Variants in ST6GAL2 observed in about 807,000 individuals in gnomAD.
ST6GAL2 encodes the protein beta-galactoside alpha-2,6-sialyltransferase 2.
Under a neutral mutation model 37.5 loss-of-function variants are expected in ST6GAL2, and 24 were observed. The observed-to-expected ratio is 0.64, with a 90% CI of 0.46 to 0.90. The LOEUF is 0.90. Ranked by LOEUF, ST6GAL2 falls within the 40% of genes least tolerant of loss-of-function variation. The pLI is 0.00. For synonymous variants in ST6GAL2, 306 were observed against 295.1 expected, an observed-to-expected ratio of 1.04 and a Z score of -0.38; for missense variants, 715 against 712.7, an observed-to-expected ratio of 1.00 and a Z score of -0.04.
chr2:106,844,541 A>T (rs989671247), intron 1 of ST6GAL2, among the ~76,000 whole-genome samples: 1 of 152,048 alleles, frequency 6.6e-6, no homozygotes, highest in Non-Finnish European at 1.5e-5. Flanking sequence ...TGACAACCCT[A>T]TCTGATTCTT....
intron 1 of ST6GAL2, among the ~76,000 whole-genome samples, chr2:106,849,057 C>CT (rs771492678): frequency 6.6e-6 from 1 of 152,166 alleles, no homozygotes; most frequent in African/African-American, 2.4e-5. Flanking sequence ...ATAATCGAAA[C>CT]TTTAACTTCT....
intron 1 of ST6GAL2, among the ~76,000 whole-genome samples, chr2:106,880,271 T>C (rs139451045): frequency 1.5e-4 from 23 of 152,312 alleles, no homozygotes; most frequent in African/African-American, 4.8e-4. Context: ...TTCCAAATAG[T>C]CACCTGCTTT....
chr2:106,828,153 T>C (rs901385570), intron 5 of ST6GAL2, among the ~76,000 whole-genome samples: 3 of 152,240 alleles, frequency 2.0e-5, no homozygotes, highest in African/African-American at 7.2e-5. Flanking sequence ...CTATCTAACT[T>C]GAATTTTTTA....
chr2:106,812,691 AT>A (rs1193318988), intron 5 of ST6GAL2, among the ~76,000 whole-genome samples: 3 of 152,178 alleles, frequency 2.0e-5, no homozygotes. Flanking sequence ...ATATGCACAA[AT>A]TCAAAGTATC....
intron 1 of ST6GAL2, among the ~76,000 whole-genome samples, chr2:106,872,322 T>C (rs1027429675): frequency 4.6e-5 from 7 of 152,216 alleles, no homozygotes; most frequent in Admixed American, 4.6e-4. Context: ...AAACCTGAGT[T>C]TGTGCTTATG....
chr2:106,853,220 T>C (rs1677443983), intron 1 of ST6GAL2, among the ~76,000 whole-genome samples: 1 of 152,372 alleles, frequency 6.6e-6, no homozygotes, highest in East Asian at 1.9e-4. Context: ...GAGTAAATGA[T>C]GTTCCCAGTT....
At chr2:106,833,064 A>G (rs1386585372) in intron 3 of ST6GAL2, among the ~76,000 whole-genome samples, 1 of 152,200 alleles carries the variant, frequency 6.6e-6, no homozygotes, top group Non-Finnish European at 1.5e-5. Flanking sequence ...GGTGCCAGCC[A>G]CAGCCTTCCC....
At chr2:106,873,733 A>G (rs1018635759) in intron 1 of ST6GAL2, among the ~76,000 whole-genome samples, 2 of 152,232 alleles carry the variant, frequency 1.3e-5, no homozygotes, top group African/African-American at 4.8e-5. Flanking sequence ...TGGCACAAAA[A>G]TTATGAGGTT....
At chr2:106,881,138 C>G (rs939094383) in intron 1 of ST6GAL2, among the ~76,000 whole-genome samples, 1 of 152,018 alleles carries the variant, frequency 6.6e-6, no homozygotes, top group Non-Finnish European at 1.5e-5. Context: ...GGTGCATGCC[C>G]TCACACCTAG....
At chr2:106,871,197 T>C (rs1678251861) in intron 1 of ST6GAL2, among the ~76,000 whole-genome samples, 1 of 152,138 alleles carries the variant, frequency 6.6e-6, no homozygotes, top group Non-Finnish European at 1.5e-5. Context: ...ATAGGAAAAG[T>C]ACAGTAAAAA....
intron 5 of ST6GAL2, among the ~76,000 whole-genome samples, chr2:106,819,121 A>G (rs1675908024): frequency 6.6e-6 from 1 of 152,180 alleles, no homozygotes; most frequent in South Asian, 2.1e-4. Flanking sequence ...AAAAGGACAA[A>G]CCTAAGAGCT....
intron 1 of ST6GAL2, among the ~76,000 whole-genome samples, chr2:106,852,671 T>G (rs1424439404): frequency 6.6e-6 from 1 of 152,152 alleles, no homozygotes; most frequent in African/African-American, 2.4e-5. Context: ...GGCTGTTGGT[T>G]GGTTCAGGAG....
At chr2:106,880,085 T>C (rs1240205220) in intron 1 of ST6GAL2, among the ~76,000 whole-genome samples, 1 of 151,552 alleles carries the variant, frequency 6.6e-6, no homozygotes, top group East Asian at 1.9e-4. Context: ...TATATTGACA[T>C]ACTTTTAAAA....
At chr2:106,884,496 C>G (rs1301533518) in intron 1 of ST6GAL2, among the ~76,000 whole-genome samples, 1 of 152,136 alleles carries the variant, frequency 6.6e-6, no homozygotes, top group Non-Finnish European at 1.5e-5. Context: ...CAAAGCCTCT[C>G]TAAACTGTGG....
intron 1 of ST6GAL2, among the ~76,000 whole-genome samples, chr2:106,873,074 T>C (rs865955814): frequency 4.6e-5 from 7 of 152,086 alleles, no homozygotes; most frequent in Non-Finnish European, 8.8e-5. Flanking sequence ...TGGGAAGAAA[T>C]TCTGAAAATA....
chr2:106,805,436 T>G lies in ST6GAL2; in HGVS notation c.*1242A>C, dbSNP rs1461878272. The G allele has an allele frequency of 6.6e-6, 1 of 152,208 alleles. No individual in the cohort carries two copies. Among genetic ancestry groups the G allele is most frequent in the Non-Finnish European group, 1.5e-5 (1 of 68,040 alleles). The allele number at this position is 152,208 out of a possible 1,614,324, so 9.4% of individuals were successfully genotyped here. A position where few individuals can be genotyped will look rare whatever the true frequency, so the allele number is the denominator to read the frequency against. ...ATCAACCCTGAATATAGCTAACATA[T>G]TGGGATGAAAATTTCCCTCTAGCTG... is the stretch of plus-strand genomic sequence containing the variant. On this transcript the variant is annotated 3_prime_UTR_variant, in exon 6 of 6. Transcript: ENST00000409382.
At chr2:106,858,586 G>C (rs1677674809) in intron 1 of ST6GAL2, among the ~76,000 whole-genome samples, 1 of 152,212 alleles carries the variant, frequency 6.6e-6, no homozygotes, top group African/African-American at 2.4e-5. Flanking sequence ...TTTTGGCCAA[G>C]GGAAGATAAA....
chr2:106,818,845 G>C (rs537652190), intron 5 of ST6GAL2, among the ~76,000 whole-genome samples: 1 of 152,004 alleles, frequency 6.6e-6, no homozygotes, highest in East Asian at 1.9e-4. Context: ...CAAGATAACA[G>C]AAAGAAGAAA....
chr2:106,807,679 A>T (rs1344853683), intron 5 of ST6GAL2, among the ~76,000 whole-genome samples: 2 of 141,246 alleles, frequency 1.4e-5, no homozygotes, highest in Non-Finnish European at 3.0e-5. Flanking sequence ...CTCAAGCTGG[A>T]GTGCAGTGGC....
Sources: gnomAD v4.1 joint callset for allele counts (sites outside exome capture counted in the v4.1 genomes callset) on GRCh38, gnomAD v4.1.1 for gene constraint, MANE v1.5 for transcripts, NCBI Gene and HGNC (gene_info 2026-07-23, HGNC 2026-07-21) for gene names.